The following VPS13B variants were observed in gnomAD, a reference collection of about 807,000 sequenced individuals.
VPS13B encodes the protein vacuolar protein sorting 13 homolog B, also known as intermembrane lipid transfer protein VPS13B.
In VPS13B, 285 loss-of-function variants were observed where a neutral mutation model predicts 426.4. The observed-to-expected ratio is 0.67, with a 90% CI of 0.61 to 0.74. VPS13B has a LOEUF of 0.74. Ranked by LOEUF, VPS13B falls within the 30% of genes least tolerant of loss-of-function variation. The pLI is 0.00. For synonymous variants in VPS13B, 1,676 were observed against 1,676.4 expected, an observed-to-expected ratio of 1.00 and a Z score of 0.01; for missense variants, 4,537 against 4,782.6, an observed-to-expected ratio of 0.95 and a Z score of 1.51.
chr8:99,871,707 A>G lies in VPS13B; in HGVS notation c.11745+10A>G. ...GGCCTGTGATGTGGAGGTACGTTTCAGAAAACAGGGCAACCAAGACTAGCT... is the reference window on the plus strand; with the variant it reads ...GGCCTGTGATGTGGAGGTACGTTTCGGAAAACAGGGCAACCAAGACTAGCT... On this transcript the variant is annotated intron_variant, in intron 61 of 61. Transcript: ENST00000357162. 1.2e-6 allele frequency: 2 copies of G among 1,613,108 alleles called. No homozygotes were observed. Among genetic ancestry groups the G allele is most frequent in the African/African-American group, 2.7e-5 (2 of 75,034 alleles).
intron 33 of VPS13B, among the ~76,000 whole-genome samples, chr8:99,624,638 T>C (rs749935130): frequency 5.3e-5 from 8 of 152,150 alleles, no homozygotes; most frequent in Non-Finnish European, 1.0e-4. Flanking sequence ...TATTTCATCA[T>C]TGTGTTTTAT....
At chr8:99,294,176 A>G (rs13276023) in intron 19 of VPS13B, among the ~76,000 whole-genome samples, 75 of 62,294 alleles carry the variant, frequency 1.2e-3, no homozygotes, top group African/African-American at 4.9e-3. Flanking sequence ...TTAAGAAAAT[A>G]TGGCACATAT....
Position 99,870,850 on chromosome 8 carries a change from G to A in VPS13B, c.11458G>A (p.Ala3820Thr). 6.2e-7 allele frequency: 1 copy of A among 1,614,198 alleles called. No individual in the cohort carries two copies. The change falls in exon 60 of 62, where the codon GCT (alanine) becomes ACT (threonine). Residue 3820 changes from alanine to threonine, a missense_variant. By Grantham distance (58) the Ala-to-Thr change is moderately conservative (BLOSUM62 0). Transcript: ENST00000357162. Reference protein sequence around the residue: ...KQRHQPSDLHADQAPNSHVKY... With the variant: ...KQRHQPSDLHTDQAPNSHVKY... ...GCGCCATCAGCCAAGTGATCTACAT[G>A]CTGACCAGGCTCCAAACAGCCATGT...
chr8:99,153,418 G>A (rs1486293989), intron 14 of VPS13B, among the ~76,000 whole-genome samples: 1 of 151,726 alleles, frequency 6.6e-6, no homozygotes, highest in Non-Finnish European at 1.5e-5. Flanking sequence ...TGTGGTTTTA[G>A]TTGAGCATTT....
chr8:99,028,850 CCCCTTAAGTTAGCGCTTATGGGGGCTGA>C (rs749227088), intron 2 of VPS13B, among the ~76,000 whole-genome samples: 1,436 of 2,378 alleles, frequency 0.6, 306 homozygotes, highest in Non-Finnish European at 0.62. Context: ...GGGGGGCTGA[CCCCTTAAGTTAGCGCTTATGGGGGCTGA>C]CCCCCCCCAC....
chr8:99,503,008 AT>A, intron 27 of VPS13B, 58 bp downstream of exon 27: 1 of 1,304,942 alleles, frequency 7.7e-7, no homozygotes, highest in Non-Finnish European at 1.1e-6. Context: ...CAAAGTTACC[AT>A]AAGACTTTTT....
chr8:99,018,165 C>T (rs1343455336), intron 2 of VPS13B, among the ~76,000 whole-genome samples: 1 of 152,082 alleles, frequency 6.6e-6, no homozygotes, highest in East Asian at 1.9e-4. Flanking sequence ...GTGGGTGGAT[C>T]ACTTGAGGTC....
At chr8:99,805,116 AT>A (rs1484370467) in intron 43 of VPS13B, among the ~76,000 whole-genome samples, 1 of 151,124 alleles carries the variant, frequency 6.6e-6, no homozygotes, top group Non-Finnish European at 1.5e-5. Flanking sequence ...TTGCATGTTA[AT>A]TTTTAAGAAC....
chr8:99,250,158 A>G (rs180771745), intron 17 of VPS13B, among the ~76,000 whole-genome samples: 3 of 152,318 alleles, frequency 2.0e-5, no homozygotes, highest in East Asian at 3.9e-4. Context: ...TTTATTTGCT[A>G]TCAGTGTATC....
chr8:99,643,799 T>C (rs1829466743), intron 34 of VPS13B, among the ~76,000 whole-genome samples: 1 of 152,236 alleles, frequency 6.6e-6, no homozygotes, highest in African/African-American at 2.4e-5. Context: ...CAGCAACAAC[T>C]GCCTCTCTTT....
chr8:99,200,834 G>A (rs1588135604), intron 17 of VPS13B, among the ~76,000 whole-genome samples: 1 of 151,684 alleles, frequency 6.6e-6, no homozygotes, highest in East Asian at 1.9e-4. Flanking sequence ...TAATTTTGTG[G>A]GTTGTCTTTT....
At chr8:99,399,972 C>A (rs1185529182) in intron 21 of VPS13B, among the ~76,000 whole-genome samples, 4 of 151,924 alleles carry the variant, frequency 2.6e-5, no homozygotes, top group African/African-American at 4.8e-5. Flanking sequence ...TTAAAAAATT[C>A]TTGGTCCTTA....
intron 7 of VPS13B, among the ~76,000 whole-genome samples, chr8:99,118,866 A>C (rs990991531): frequency 3.9e-5 from 6 of 152,194 alleles, no homozygotes; most frequent in Non-Finnish European, 7.3e-5. Flanking sequence ...ATTTTTGTAC[A>C]AATTTCACGT....
In VPS13B at chr8:99,394,110, A is replaced by G. The variant is rs180858051; in HGVS notation, c.3082+2406A>G. 9.9e-5 allele frequency among the ~76,000 whole-genome samples: 15 copies of G among 152,274 alleles called. No homozygotes were observed. In the East Asian group the frequency reaches 2.7e-3, roughly 27 times the overall value. On this transcript the variant is annotated intron_variant, in intron 21 of 61. Transcript: ENST00000357162. Reference sequence around the variant, plus strand: ...TTTTCAGTAGCATTAGGTATAAATCAGTAGCATTAGGTATAATCACATTGT... The same window carrying G: ...TTTTCAGTAGCATTAGGTATAAATCGGTAGCATTAGGTATAATCACATTGT...
At chr8:99,382,823 A>C (rs1813891068) in intron 19 of VPS13B, among the ~76,000 whole-genome samples, 1 of 152,026 alleles carries the variant, frequency 6.6e-6, no homozygotes. Context: ...CTCTTTCCTG[A>C]TTGCTCTGGC....
chr8:99,375,357 C>T (rs913128097), intron 19 of VPS13B, among the ~76,000 whole-genome samples: 26 of 152,272 alleles, frequency 1.7e-4, no homozygotes, highest in Non-Finnish European at 3.4e-4. Context: ...GAACTCTGCT[C>T]TGATGAAAGC....
At chr8:99,218,969 C>T (rs1401847794) in intron 17 of VPS13B, among the ~76,000 whole-genome samples, 2 of 152,052 alleles carry the variant, frequency 1.3e-5, no homozygotes, top group Admixed American at 6.6e-5. Flanking sequence ...TTGTGACAAT[C>T]TGGGTGGTGC....
intron 22 of VPS13B, among the ~76,000 whole-genome samples, chr8:99,436,929 C>T (rs538690704): frequency 2.4e-4 from 37 of 151,962 alleles, no homozygotes; most frequent in Admixed American, 2.6e-4. Context: ...TTAGTAGAGA[C>T]GGAGTTTCAC....
chr8:99,333,936 T>C (rs1030888175), intron 19 of VPS13B, among the ~76,000 whole-genome samples: 2 of 152,086 alleles, frequency 1.3e-5, no homozygotes, highest in South Asian at 2.1e-4. Context: ...TTCCATTGTA[T>C]GGATACAGTA....
Sources: allele counts gnomAD v4.1 joint callset (sites outside exome capture counted in the v4.1 genomes callset), GRCh38; gene constraint gnomAD v4.1.1; transcripts MANE v1.5; gene names NCBI Gene and HGNC (gene_info 2026-07-23, HGNC 2026-07-21).